Variants in CACNA2D3 observed in about 807,000 individuals in gnomAD.
The protein encoded by CACNA2D3 is voltage-dependent calcium channel subunit alpha-2/delta-3.
A neutral mutation model predicts 160.6 loss-of-function variants in CACNA2D3; 60 were observed. The observed-to-expected ratio is 0.37, with a 90% CI of 0.30 to 0.46. The LOEUF (loss-of-function observed/expected upper bound fraction) is 0.46. Among genes scored for constraint, CACNA2D3 ranks in the 20% least tolerant of loss-of-function variants. The pLI, the probability that CACNA2D3 is intolerant of heterozygous loss-of-function variation, is 1.00. For synonymous variants in CACNA2D3, 558 were observed against 492.9 expected (o/e 1.13, Z -1.75); for missense variants, 1,205 against 1,365.0 (o/e 0.88, Z 1.85).
chr3:54,478,358 C>T lies in CACNA2D3; in HGVS notation c.382-25134C>T, dbSNP rs563675899. Among the ~76,000 whole-genome samples the T allele has an allele frequency of 9.3e-4, 142 of 152,044 alleles. 2 individuals carry two copies. In the Middle Eastern group the frequency reaches 0.014, roughly 15 times the overall value. On this transcript the variant is annotated intron_variant, in intron 4 of 37. Coordinates refer to ENST00000474759, the MANE Select transcript of CACNA2D3 (RefSeq NM_018398.3). Reference sequence around the variant, plus strand: ...TCATAAGTTTAAAACTGCAGCCAGGCGCAGTGGCTCACACCTGTAATTCCA... The same window carrying T: ...TCATAAGTTTAAAACTGCAGCCAGGTGCAGTGGCTCACACCTGTAATTCCA...
chr3:54,871,120 G>A (rs1699516999), intron 17 of CACNA2D3, among the ~76,000 whole-genome samples: 1 of 141,534 alleles, frequency 7.1e-6, no homozygotes, highest in Non-Finnish European at 1.5e-5. Context: ...AAATCCAACT[G>A]CTAACTAGTC....
At chr3:54,188,999 C>T (rs1700932591) in intron 2 of CACNA2D3, among the ~76,000 whole-genome samples, 1 of 152,188 alleles carries the variant, frequency 6.6e-6, no homozygotes, top group Non-Finnish European at 1.5e-5. Flanking sequence ...GCAATACATC[C>T]AGCCTGAGTC....
At chr3:54,933,075 TCC>T (rs1701239397) in intron 27 of CACNA2D3, among the ~76,000 whole-genome samples, 3 of 88,280 alleles carry the variant, frequency 3.4e-5, no homozygotes, top group Non-Finnish European at 7.7e-5. Context: ...CTTCCTTCCT[TCC>T]TTCCTTCCTT....
intron 11 of CACNA2D3, among the ~76,000 whole-genome samples, chr3:54,645,543 C>A (rs550792862): frequency 6.6e-6 from 1 of 152,290 alleles, no homozygotes; most frequent in East Asian, 1.9e-4. Flanking sequence ...CCCTCATCAC[C>A]ACTCTTCATT....
At chr3:54,193,049 C>T (rs1442398122) in intron 2 of CACNA2D3, among the ~76,000 whole-genome samples, 1 of 152,198 alleles carries the variant, frequency 6.6e-6, no homozygotes, top group African/African-American at 2.4e-5. Context: ...TAACCTTGGC[C>T]AGGCGCTCTG....
intron 18 of CACNA2D3, chr3:54,878,779 C>G: frequency 2.8e-6 from 1 of 353,080 alleles, no homozygotes; most frequent in East Asian, 4.6e-5. Flanking sequence ...CGCCAAGGCT[C>G]TTTTGTTATT....
chr3:54,730,222 A>G (rs941156532), intron 11 of CACNA2D3, among the ~76,000 whole-genome samples: 8 of 152,160 alleles, frequency 5.3e-5, no homozygotes, highest in African/African-American at 1.9e-4. Flanking sequence ...AGTAATGAAC[A>G]AGACACAAAA....
intron 2 of CACNA2D3, among the ~76,000 whole-genome samples, chr3:54,226,901 ATC>A (rs2107385998): frequency 6.6e-6 from 1 of 152,284 alleles, no homozygotes; most frequent in African/African-American, 2.4e-5. Context: ...TCTGTACTTG[ATC>A]TAGCTTTTCT....
At chr3:54,816,761 T>G in intron 13 of CACNA2D3, 92 bp from the exon 14 acceptor site, 1 of 1,481,066 alleles carries the variant, frequency 6.8e-7, no homozygotes, top group South Asian at 1.2e-5. Context: ...TTTCTCCATT[T>G]GCAAATGGCA....
intron 17 of CACNA2D3, among the ~76,000 whole-genome samples, chr3:54,864,542 G>A (rs566245638): frequency 5.9e-5 from 9 of 152,278 alleles, no homozygotes; most frequent in Non-Finnish European, 1.2e-4. Context: ...TTACAGGCGC[G>A]AGCCACTGTG....
intron 2 of CACNA2D3, among the ~76,000 whole-genome samples, chr3:54,194,278 G>T (rs763019593): frequency 3.9e-5 from 6 of 152,180 alleles, no homozygotes; most frequent in Non-Finnish European, 5.9e-5. Flanking sequence ...GGATACCCCT[G>T]ATAGCCTGAC....
At chr3:54,330,838 G>C (rs1430023809) in intron 3 of CACNA2D3, among the ~76,000 whole-genome samples, 4 of 152,188 alleles carry the variant, frequency 2.6e-5, no homozygotes, top group African/African-American at 7.2e-5. Flanking sequence ...TGATGTGCTG[G>C]GAGTCTGTCA....
intron 16 of CACNA2D3, among the ~76,000 whole-genome samples, chr3:54,843,531 G>A (rs1186563863): frequency 6.6e-6 from 1 of 152,214 alleles, no homozygotes; most frequent in African/African-American, 2.4e-5. Flanking sequence ...GCAGGGTTGG[G>A]TACTCAGGCA....
At chr3:54,828,538 G>A (rs1703793657) in intron 14 of CACNA2D3, among the ~76,000 whole-genome samples, 1 of 152,004 alleles carries the variant, frequency 6.6e-6, no homozygotes, top group Non-Finnish European at 1.5e-5. Context: ...TAGAATCACT[G>A]GAACAAAAGG....
At chr3:54,417,102 T>A (rs1437691282) in intron 4 of CACNA2D3, among the ~76,000 whole-genome samples, 1 of 152,142 alleles carries the variant, frequency 6.6e-6, no homozygotes, top group Non-Finnish European at 1.5e-5. Context: ...AAAAATTGTG[T>A]GTGTTGAGGT....
chr3:54,889,623 C>T (rs760487258), intron 24 of CACNA2D3, among the ~76,000 whole-genome samples: 9 of 152,168 alleles, frequency 5.9e-5, no homozygotes, highest in Non-Finnish European at 1.3e-4. Flanking sequence ...CTCTTCTAGA[C>T]ATCGTGAGCT....
At chr3:54,896,078 C>T (rs1203923150) in intron 25 of CACNA2D3, among the ~76,000 whole-genome samples, 4 of 152,102 alleles carry the variant, frequency 2.6e-5, no homozygotes, top group Non-Finnish European at 5.9e-5. Context: ...GTAGATGAGG[C>T]GCACTTTGAA....
intron 17 of CACNA2D3, among the ~76,000 whole-genome samples, chr3:54,848,995 G>A (rs868264276): frequency 1.6e-4 from 24 of 152,220 alleles, no homozygotes; most frequent in Admixed American, 6.5e-4. Flanking sequence ...TTCCGTAAAG[G>A]TTGGAAGAAC....
At chr3:54,185,262 C>A (rs75776963) in intron 2 of CACNA2D3, among the ~76,000 whole-genome samples, 1 of 152,272 alleles carries the variant, frequency 6.6e-6, no homozygotes, top group African/African-American at 2.4e-5. Context: ...AAAAGAAATA[C>A]TTACATCAGA....
Sources: allele counts gnomAD v4.1 joint callset (sites outside exome capture counted in the v4.1 genomes callset), GRCh38; gene constraint gnomAD v4.1.1; transcripts MANE v1.5; gene names NCBI Gene and HGNC (gene_info 2026-07-23, HGNC 2026-07-21).